ITGA4: variants seen among roughly 807,000 people sequenced by gnomAD.
The protein encoded by ITGA4 is integrin alpha-4.
Under a neutral mutation model 133.6 loss-of-function variants are expected in ITGA4, and 63 were observed. The observed-to-expected ratio is 0.47, with a 90% CI of 0.38 to 0.58. The LOEUF is 0.58. ITGA4 is among the 20% of genes least tolerant of loss of function. The pLI is 0.00. For synonymous variants in ITGA4, 483 were observed against 438.0 expected (o/e 1.10, Z -1.28); for missense variants, 1,076 against 1,252.7 (o/e 0.86, Z 2.13).
At chr2:181,506,340 A>G (rs1306506431) in intron 15 of ITGA4, among the ~76,000 whole-genome samples, 1 of 152,094 alleles carries the variant, frequency 6.6e-6, no homozygotes, top group Non-Finnish European at 1.5e-5. Context: ...CTTTATGGAC[A>G]TTATGTCATT....
chr2:181,475,822 A>G, intron 4 of ITGA4: 1 of 1,601,740 alleles, frequency 6.2e-7, no homozygotes, highest in Non-Finnish European at 8.5e-7. Context: ...TGCTATAGGT[A>G]GCATCAGCAA....
At chr2:181,490,594 G>A (rs535675393) in intron 10 of ITGA4, among the ~76,000 whole-genome samples, 1 of 151,814 alleles carries the variant, frequency 6.6e-6, no homozygotes, top group African/African-American at 2.4e-5. Flanking sequence ...AAATTTGGGG[G>A]TATGACCTCT....
Position 181,523,238 on chromosome 2 carries a change from A to T in ITGA4, c.2074-199A>T, listed in dbSNP as rs975175531. Reference sequence around the variant, plus strand: ...TACACACATATATACATACATATATATACACATACATATATACACACATGC... The same window carrying T: ...TACACACATATATACATACATATATTTACACATACATATATACACACATGC... On this transcript the variant is annotated intron_variant, in intron 18 of 27. Transcript: ENST00000397033. The surrounding 1 kb of genome is among the most constrained non-coding windows in gnomAD (Gnocchi z 4.2). The T allele has an allele frequency of 2.2e-6, 1 of 463,070 alleles. No individual in the cohort carries two copies. The highest frequency in any genetic ancestry group is 2.0e-5 in the African/African-American group (1 of 50,704). 28.7% of individuals were successfully genotyped at this position (463,070 alleles called of 1,614,324 possible). A position where few individuals can be genotyped will look rare whatever the true frequency, so the allele number is the denominator to read the frequency against.
At chr2:181,468,854 G>GA (rs1334472697) in intron 2 of ITGA4, among the ~76,000 whole-genome samples, 1 of 152,088 alleles carries the variant, frequency 6.6e-6, no homozygotes, top group Non-Finnish European at 1.5e-5. Context: ...ATATCTAGTG[G>GA]AAAAATGCAT....
rs1685395245 is a variant in ITGA4, at chr2:181,465,707, AG to A, written c.319+7392del. Among the ~76,000 whole-genome samples the A allele has an allele frequency of 2.0e-5, 3 of 152,124 alleles. No homozygotes were observed. In the South Asian group the frequency reaches 6.2e-4, roughly 31 times the overall value. On this transcript the variant is annotated intron_variant, in intron 2 of 27. Transcript: ENST00000397033. ...TTAATAGGTTGTTTCAGAATAGTAT[AG>A]GTTTATTCAAAATGTCCATAGTTGA...
chr2:181,483,300 G>A (rs925501512), intron 9 of ITGA4, among the ~76,000 whole-genome samples: 12 of 152,094 alleles, frequency 7.9e-5, no homozygotes, highest in Non-Finnish European at 1.5e-4. Flanking sequence ...AAGACTTCTG[G>A]CCTTATCTTG....
At chr2:181,476,414 G>C (rs1326816684) in intron 4 of ITGA4, among the ~76,000 whole-genome samples, 4 of 152,100 alleles carry the variant, frequency 2.6e-5, no homozygotes, top group African/African-American at 9.7e-5. Flanking sequence ...GAAAACTCCT[G>C]ACCAGAAATG....
intron 21 of ITGA4, among the ~76,000 whole-genome samples, chr2:181,526,836 T>TTTTTTTTTTTTTTTTTTTTTTTTC (rs1686840859): frequency 9.9e-6 from 1 of 101,512 alleles, no homozygotes; most frequent in African/African-American, 5.7e-5. Flanking sequence ...TTTTTTTTTT[T>TTTTTTTTTTTTTTTTTTTTTTTTC]TTTTTTTTTT....
chr2:181,522,112 C>T, intron 17 of ITGA4, 79 bp from the exon 18 acceptor site: 1 of 769,370 alleles, frequency 1.3e-6, no homozygotes, highest in Non-Finnish European at 2.1e-6. Flanking sequence ...AAATTATATA[C>T]ATATATCCTT....
At chr2:181,482,210 C>T (rs2305589) in intron 7 of ITGA4, 150 bp from the exon 8 acceptor site, 122,445 of 738,064 alleles carry the variant, frequency 0.17, 11,063 homozygotes, top group Middle Eastern at 0.23. Flanking sequence ...GGATCCCAAA[C>T]CCTTTTGTGT....
Position 181,498,708 on chromosome 2 carries a change from C to A in ITGA4, c.1626C>A (p.Asp542Glu), listed in dbSNP as rs781152973. The change falls in exon 15 of 28, where the codon GAC becomes GAA. Residue 542 changes from aspartate (D) to glutamate (E), a missense_variant. Physicochemically the swap from Asp to Glu is conservative, Grantham distance 45. Coordinates refer to ENST00000397033, the MANE Select transcript of ITGA4 (RefSeq NM_000885.6). Reference sequence around the variant, plus strand: ...ATTTCTCTTCTAATGGAACTTCTGACGTGATTACAGGAAGCATACAGGTGT... The same window carrying A: ...ATTTCTCTTCTAATGGAACTTCTGAAGTGATTACAGGAAGCATACAGGTGT... Reference protein sequence around the residue: ...RFYFSSNGTSDVITGSIQVSS... With the variant: ...RFYFSSNGTSEVITGSIQVSS... The A allele has an allele frequency of 1.8e-5, 29 of 1,612,226 alleles. No individual in the cohort carries two copies. In the African/African-American group the frequency reaches 3.1e-4, roughly 17 times the overall value.
At chr2:181,525,646 G>A (rs1686818388) in intron 21 of ITGA4, among the ~76,000 whole-genome samples, 1 of 152,220 alleles carries the variant, frequency 6.6e-6, no homozygotes, top group Non-Finnish European at 1.5e-5. Flanking sequence ...CCCATGTCAA[G>A]TGTGAAGTTC....
intron 2 of ITGA4, among the ~76,000 whole-genome samples, chr2:181,460,528 AGTGT>A (rs987254175): frequency 6.7e-6 from 1 of 150,206 alleles, no homozygotes; most frequent in African/African-American, 2.5e-5. Context: ...AAGTTTCAAG[AGTGT>A]GTGTAAATAT....
chr2:181,506,202 A>C (rs1296339922), intron 15 of ITGA4, among the ~76,000 whole-genome samples: 2 of 152,112 alleles, frequency 1.3e-5, no homozygotes, highest in Non-Finnish European at 2.9e-5. Flanking sequence ...TGGCAGTAGT[A>C]GTTCAGTTTT....
chr2:181,467,662 T>C (rs990206644), intron 2 of ITGA4, among the ~76,000 whole-genome samples: 1 of 152,190 alleles, frequency 6.6e-6, no homozygotes, highest in Admixed American at 6.5e-5. Context: ...TCTGTGGGCA[T>C]ATTTGCTATA....
In ITGA4 at chr2:181,523,223, T is replaced by C. The variant is rs1455494904; in HGVS notation, c.2074-214T>C. 9.6e-6 allele frequency: 4 copies of C among 417,828 alleles called. No individual in the cohort carries two copies. The highest frequency in any genetic ancestry group is 1.8e-5 in the Non-Finnish European group (4 of 225,902). The allele number at this position is 417,828 out of a possible 1,614,324, so 25.9% of individuals were successfully genotyped here. On this transcript the variant is annotated intron_variant, in intron 18 of 27. Transcript: ENST00000397033. The surrounding 1 kb of genome is among the most constrained non-coding windows in gnomAD (Gnocchi z 4.2). ...ATACACACACATATATACACACATATATACATACATATATATACACATACA... is the reference window on the plus strand; with the variant it reads ...ATACACACACATATATACACACATACATACATACATATATATACACATACA...
At chr2:181,482,234 A>C (rs1685821364) in intron 7 of ITGA4, 126 bp from the exon 8 acceptor site, 1 of 967,858 alleles carries the variant, frequency 1.0e-6, no homozygotes, top group Admixed American at 3.1e-5. Flanking sequence ...TCTCAACAGG[A>C]TTTATTTTTA....
chr2:181,465,927 G>A (rs189719094), intron 2 of ITGA4, among the ~76,000 whole-genome samples: 1 of 152,212 alleles, frequency 6.6e-6, no homozygotes, highest in Non-Finnish European at 1.5e-5. Context: ...GGGATGTTAT[G>A]AAAAGTGAGT....
rs74323103 is a variant in ITGA4 at position 181,478,623 on chromosome 2, A to G, written c.557-134A>G. On this transcript the variant is annotated intron_variant, in intron 4 of 27. Transcript: ENST00000397033. ...AATATGGAAGGGATTTGTTATATCA[A>G]GGTTACTGGTTTTTATTTTTAAAAA... The G allele has an allele frequency of 1.1e-3, 476 of 429,848 alleles. 3 individuals carry two copies. Among genetic ancestry groups the G allele is most frequent in the African/African-American group, 8.7e-3 (424 of 48,832 alleles). 26.6% of individuals were successfully genotyped at this position (429,848 alleles called of 1,614,324 possible). A position where few individuals can be genotyped will look rare whatever the true frequency, so the allele number is the denominator to read the frequency against.
Sources: allele counts gnomAD v4.1 joint callset (sites outside exome capture counted in the v4.1 genomes callset), GRCh38; gene constraint gnomAD v4.1.1; non-coding constraint Gnocchi (gnomAD v3.1); transcripts MANE v1.5; gene names NCBI Gene and HGNC (gene_info 2026-07-23, HGNC 2026-07-21).